The following PPP6R3 variants were observed in gnomAD, a reference collection of about 807,000 sequenced individuals.
PPP6R3 encodes the protein protein phosphatase 6 regulatory subunit 3.
In PPP6R3, 38 loss-of-function variants were observed where a neutral mutation model predicts 110.7. That is an observed-to-expected ratio of 0.34 (90% CI 0.26 to 0.45). The LOEUF (loss-of-function observed/expected upper bound fraction) is 0.45, where lower values mean the gene tolerates loss of function less well. PPP6R3 is among the 20% of genes least tolerant of loss of function. The pLI is 1.00. For missense variants in PPP6R3, 870 were observed against 1,062.4 expected (o/e 0.82, Z 2.52); for synonymous variants, 369 against 373.5 (o/e 0.99, Z 0.14).
chr11:68,461,296 G>A (rs1253459409), intron 1 of PPP6R3, among the ~76,000 whole-genome samples: 1 of 152,114 alleles, frequency 6.6e-6, no homozygotes, highest in Non-Finnish European at 1.5e-5. Context: ...GCCGTCAAGA[G>A]TCGCGAAGAC....
chr11:68,594,786 A>G (rs2153893174), intron 18 of PPP6R3, among the ~76,000 whole-genome samples: 1 of 152,378 alleles, frequency 6.6e-6, no homozygotes, highest in South Asian at 2.1e-4. Context: ...CAACTCTTAT[A>G]GAGAACAACA....
intron 1 of PPP6R3, among the ~76,000 whole-genome samples, chr11:68,477,137 G>C (rs1565278305): frequency 1.3e-5 from 2 of 152,070 alleles, no homozygotes; most frequent in Non-Finnish European, 2.9e-5. Context: ...ACTATTCTAT[G>C]TGTGTTTAAA....
chr11:68,594,776 C>A (rs2099608370), intron 18 of PPP6R3, among the ~76,000 whole-genome samples: 1 of 152,124 alleles, frequency 6.6e-6, no homozygotes, highest in African/African-American at 2.4e-5. Flanking sequence ...ATAGCCAAAG[C>A]AACTCTTATA....
At chr11:68,595,802 A>G (rs1490506103) in intron 18 of PPP6R3, among the ~76,000 whole-genome samples, 2 of 152,188 alleles carry the variant, frequency 1.3e-5, no homozygotes, top group Non-Finnish European at 2.9e-5. Flanking sequence ...GGAAAGTACA[A>G]ATGAACACCA....
At chr11:68,550,878 T>C in intron 5 of PPP6R3, 1 of 412,630 alleles carries the variant, frequency 2.4e-6, no homozygotes, top group South Asian at 5.2e-5. Context: ...AGCTGATATA[T>C]AGAATTTTAG....
intron 10 of PPP6R3, among the ~76,000 whole-genome samples, chr11:68,568,299 G>T (rs1424736089): frequency 1.3e-5 from 2 of 152,000 alleles, no homozygotes; most frequent in South Asian, 4.2e-4. Context: ...ATTGATCACT[G>T]GTCTTTAATT....
chr11:68,554,244 G>T lies in PPP6R3; in HGVS notation c.718G>T (p.Ala240Ser), dbSNP rs975080620. ...QNSTEPDPLL[A>S]TLEKQEIIEQ... ...CAGTACAGAGCCCGACCCCCTGCTT[G>T]CCACTCTAGAAAAGTATGTGTAAAA... The change falls in exon 7 of 24, where the codon GCC (alanine) becomes TCC (serine). Residue 240 changes from alanine (A) to serine (S), a missense_variant. Transcript: ENST00000393800. The T allele has an allele frequency of 6.2e-7, 1 of 1,610,408 alleles. No homozygotes were observed. The highest frequency in any genetic ancestry group is 1.3e-5 in the African/African-American group (1 of 74,776).
chr11:68,530,946 T>A (rs1472141696), intron 2 of PPP6R3, among the ~76,000 whole-genome samples: 1 of 152,202 alleles, frequency 6.6e-6, no homozygotes, highest in Non-Finnish European at 1.5e-5. Flanking sequence ...GTGGGTAGGA[T>A]CACCAGTAGT....
intron 1 of PPP6R3, among the ~76,000 whole-genome samples, chr11:68,491,050 G>T (rs1261459066): frequency 6.6e-6 from 1 of 152,050 alleles, no homozygotes; most frequent in Non-Finnish European, 1.5e-5. Flanking sequence ...GCTGGGCGTG[G>T]TGGCACACAC....
intron 1 of PPP6R3, among the ~76,000 whole-genome samples, chr11:68,512,358 A>T (rs1230063010): frequency 2.0e-5 from 3 of 152,212 alleles, no homozygotes; most frequent in Admixed American, 2.0e-4. Flanking sequence ...ATACCAGATG[A>T]CACAGTCTGG....
intron 4 of PPP6R3, among the ~76,000 whole-genome samples, chr11:68,547,333 G>A (rs546276467): frequency 6.6e-6 from 1 of 152,272 alleles, no homozygotes; most frequent in East Asian, 1.9e-4. Context: ...ACTCGCAGAG[G>A]GTTTGGGAAT....
rs117500207 is a variant in PPP6R3 at position 68,594,785 on chromosome 11, T to C, written c.1917-1312T>C. Among the ~76,000 whole-genome samples, 1,117 of 152,304 alleles carry C rather than the reference T, an allele frequency of 7.3e-3. 15 individuals carry two copies. The highest frequency in any genetic ancestry group is 9.9e-3 in the Non-Finnish European group (671 of 68,028). ...TCTAGAATAGCCAAAGCAACTCTTA[T>C]AGAGAACAACAAAATTGGAGGACAA... On this transcript the variant is annotated intron_variant, in intron 18 of 23. Transcript: ENST00000393800.
intron 23 of PPP6R3, among the ~76,000 whole-genome samples, chr11:68,611,617 C>T (rs538587748): frequency 2.6e-5 from 4 of 152,078 alleles, no homozygotes; most frequent in South Asian, 2.1e-4. Flanking sequence ...TGGTCTAGGC[C>T]GGGTCATAAA....
At chr11:68,551,387 C>A (rs945163177) in intron 6 of PPP6R3, among the ~76,000 whole-genome samples, 1 of 152,158 alleles carries the variant, frequency 6.6e-6, no homozygotes, top group Admixed American at 6.5e-5. Context: ...CAGAAGTGTA[C>A]AACAGCAGGC....
At chr11:68,595,200 ATTTTTTTTTTTTTTTTTT>A (rs71043443) in intron 18 of PPP6R3, among the ~76,000 whole-genome samples, 1 of 81,112 alleles carries the variant, frequency 1.2e-5, no homozygotes, top group African/African-American at 3.9e-5. Context: ...CATAAAAATA[ATTTTTTTTTTTTTTTTTT>A]TTTTTTTTTT....
chr11:68,551,654 A>G (rs2099378907), intron 6 of PPP6R3, among the ~76,000 whole-genome samples: 1 of 151,958 alleles, frequency 6.6e-6, no homozygotes, highest in African/African-American at 2.4e-5. Flanking sequence ...ACCCTGGCTA[A>G]TTTTTGTATT....
chr11:68,583,267 A>G, intron 15 of PPP6R3, 138 bp downstream of exon 15: 1 of 649,944 alleles, frequency 1.5e-6, no homozygotes, highest in Non-Finnish European at 2.5e-6. Context: ...CAAAGCATTT[A>G]AAATAGGAAG....
intron 7 of PPP6R3, among the ~76,000 whole-genome samples, chr11:68,557,684 A>T (rs2099404836): frequency 6.6e-6 from 1 of 151,928 alleles, no homozygotes; most frequent in African/African-American, 2.4e-5. Flanking sequence ...AGGCCCGGCT[A>T]ATTTTTGTGT....
At chr11:68,465,847 A>G (rs763350151) in intron 1 of PPP6R3, among the ~76,000 whole-genome samples, 1 of 152,230 alleles carries the variant, frequency 6.6e-6, no homozygotes, top group Non-Finnish European at 1.5e-5. Context: ...GATTGCCAGA[A>G]GTTTTGCAAA....
Sources: allele counts gnomAD v4.1 joint callset (sites outside exome capture counted in the v4.1 genomes callset), GRCh38; gene constraint gnomAD v4.1.1; transcripts MANE v1.5; gene names NCBI Gene and HGNC (gene_info 2026-07-23, HGNC 2026-07-21).